The following RABGEF1 variants were observed in gnomAD, a reference collection of about 807,000 sequenced individuals.
RABGEF1 encodes rab5 GDP/GTP exchange factor.
Under a neutral mutation model 57.3 loss-of-function variants are expected in RABGEF1, and 26 were observed. The ratio of observed to expected loss-of-function variants is 0.45; its 90% confidence interval spans 0.33 to 0.63. The LOEUF (loss-of-function observed/expected upper bound fraction) is 0.63. Ranked by LOEUF, RABGEF1 falls within the 20% of genes least tolerant of loss-of-function variation. RABGEF1 has a pLI of 0.02. For missense variants in RABGEF1, 464 were observed against 607.6 expected (o/e 0.76, Z 2.48); for synonymous variants, 185 against 210.7 (o/e 0.88, Z 1.06).
At chr7:66,775,108 A>G (rs1808216111) in intron 2 of RABGEF1, 119 bp from the exon 3 acceptor site, 6 of 1,088,568 alleles carry the variant, frequency 5.5e-6, no homozygotes, top group African/African-American at 3.2e-5. Flanking sequence ...CTGATTTGGC[A>G]TATTTAGTCT....
At chr7:66,672,417 G>A in the RABGEF1 span, among the ~76,000 whole-genome samples, 1 of 152,188 alleles carries the variant, frequency 6.6e-6, no homozygotes, top group Non-Finnish European at 1.5e-5. Context: ...GGGAGACAGA[G>A]CGAGACTCCA....
At chr7:66,763,218 C>T (rs528394353) in intron 1 of RABGEF1, among the ~76,000 whole-genome samples, 20 of 152,190 alleles carry the variant, frequency 1.3e-4, no homozygotes, top group African/African-American at 2.4e-4. Context: ...AAGCAGGCTC[C>T]GCTGGGTATT....
chr7:66,659,383 C>T, the RABGEF1 span, among the ~76,000 whole-genome samples: 30 of 149,864 alleles, frequency 2.0e-4, no homozygotes, highest in Admixed American at 4.7e-4. Flanking sequence ...ACACGGGAGG[C>T]GGAGGTGGCT....
the RABGEF1 span, chr7:66,667,686 A>C: frequency 6.6e-6 from 1 of 152,256 alleles, no homozygotes; most frequent in Non-Finnish European, 1.5e-5. Context: ...CTGTCATTTC[A>C]TAAGCATCTA....
intron 8 of RABGEF1, among the ~76,000 whole-genome samples, chr7:66,808,584 A>G (rs948163985): frequency 1.3e-5 from 2 of 152,134 alleles, no homozygotes; most frequent in Non-Finnish European, 2.9e-5. Flanking sequence ...TGCCACACCT[A>G]CTTGGGGACT....
intron 2 of RABGEF1, among the ~76,000 whole-genome samples, chr7:66,735,258 T>A (rs1331698522): frequency 1.3e-5 from 2 of 152,228 alleles, no homozygotes; most frequent in Non-Finnish European, 2.9e-5. Context: ...TTATACATAA[T>A]CGCTCCTTTG....
At chr7:66,737,051 G>GAGAGA (rs1798037415), upstream of RABGEF1, among the ~76,000 whole-genome samples, 2 of 124,918 alleles carry the variant, frequency 1.6e-5, no homozygotes, top group Non-Finnish European at 3.5e-5. Context: ...ATATGAGGGG[G>GAGAGA]GAGAGAGAGA....
chr7:66,759,148 T>C (rs908458204), intron 1 of RABGEF1, among the ~76,000 whole-genome samples: 11 of 152,244 alleles, frequency 7.2e-5, no homozygotes, highest in African/African-American at 2.7e-4. Context: ...ACTTCCCTTA[T>C]GACTCTGTAG....
intron 2 of RABGEF1, among the ~76,000 whole-genome samples, chr7:66,728,251 T>C (rs1189876619): frequency 6.6e-6 from 1 of 152,162 alleles, no homozygotes; most frequent in East Asian, 1.9e-4. Flanking sequence ...TGCCTGGTTC[T>C]TCACTCACAT....
At chr7:66,707,472 C>T (rs113878496) in intron 1 of RABGEF1, among the ~76,000 whole-genome samples, 5,991 of 152,134 alleles carry the variant, frequency 0.039, 163 homozygotes, top group East Asian at 0.084. Context: ...GCAGGCAGAT[C>T]ACCTCAGGAG....
chr7:66,800,303 C>T (rs1436136653), intron 7 of RABGEF1, among the ~76,000 whole-genome samples: 1 of 152,136 alleles, frequency 6.6e-6, no homozygotes, highest in African/African-American at 2.4e-5. Flanking sequence ...AGGACCCTAG[C>T]CCCAAGGGTC....
At chr7:66,663,365 C>T in the RABGEF1 span, among the ~76,000 whole-genome samples, 16 of 152,224 alleles carry the variant, frequency 1.1e-4, no homozygotes, top group East Asian at 1.7e-3. Flanking sequence ...CCTATAGTGC[C>T]GCTGGGTTAG....
At chr7:66,711,466 A>T (rs1794773159) in intron 1 of RABGEF1, among the ~76,000 whole-genome samples, 1 of 151,908 alleles carries the variant, frequency 6.6e-6, no homozygotes, top group Admixed American at 6.6e-5. Flanking sequence ...TTTTTGCCAA[A>T]CAATATCCAA....
In RABGEF1 at chr7:66,715,920, T is replaced by C. The variant is rs1795342447; in HGVS notation, c.-815+3696T>C. ...AGGCATGTGCCATCATGCCTGGCTA[T>C]GTGCCTTCAAAAAGACTACAGTTGT... On this transcript the variant is annotated intron_variant and NMD_transcript_variant, in intron 2 of 9. Coordinates refer to the RABGEF1 transcript ENST00000607882. Among the ~76,000 whole-genome samples, 5 of 152,126 alleles carry C rather than the reference T, an allele frequency of 3.3e-5. No individual in the cohort carries two copies. In the South Asian group the frequency reaches 1.0e-3, roughly 32 times the overall value.
rs865911358 is a variant in RABGEF1, at chr7:66,753,811, A to G, written c.-18+13019A>G. Reference sequence around the variant, plus strand: ...AACCTCTGCCTCCCGGGTTCAAGCAATTCTCCTACCTCAGTCTCCTGTGTA... The same window carrying G: ...AACCTCTGCCTCCCGGGTTCAAGCAGTTCTCCTACCTCAGTCTCCTGTGTA... On this transcript the variant is annotated intron_variant, in intron 1 of 8. Coordinates refer to ENST00000284957, the MANE Select transcript of RABGEF1 (RefSeq NM_014504.3). 4.7e-5 allele frequency among the ~76,000 whole-genome samples: 7 copies of G among 148,280 alleles called. No homozygotes were observed. In the South Asian group the frequency reaches 1.3e-3, roughly 27 times the overall value.
chr7:66,787,336 ATTT>A (rs973607816), intron 4 of RABGEF1, among the ~76,000 whole-genome samples: 240 of 88,098 alleles, frequency 2.7e-3, no homozygotes, highest in African/African-American at 9.5e-3. Flanking sequence ...GCCTGGCCTG[ATTT>A]TTTTTTTTTT....
intron 1 of RABGEF1, among the ~76,000 whole-genome samples, chr7:66,752,186 T>G (rs1363124099): frequency 6.7e-6 from 1 of 150,224 alleles, no homozygotes; most frequent in South Asian, 2.1e-4. Flanking sequence ...TGACAGACTC[T>G]GTCCCAATTA....
chr7:66,754,608 G>A (rs1415236830), intron 1 of RABGEF1, among the ~76,000 whole-genome samples: 1 of 151,994 alleles, frequency 6.6e-6, no homozygotes, highest in Middle Eastern at 3.4e-3. Context: ...CAGTACATTG[G>A]CCAGTCCAGC....
upstream of RABGEF1, among the ~76,000 whole-genome samples, chr7:66,737,647 CTGT>C (rs1026472733): frequency 7.2e-5 from 11 of 152,314 alleles, no homozygotes; most frequent in African/African-American, 2.6e-4. Context: ...TAAAAAACCT[CTGT>C]TGTTCCTGTC....
Sources: allele counts gnomAD v4.1 joint callset (sites outside exome capture counted in the v4.1 genomes callset), GRCh38; gene constraint gnomAD v4.1.1; transcripts MANE v1.5; gene names NCBI Gene and HGNC (gene_info 2026-07-23, HGNC 2026-07-21).